SCAPER: variants seen among roughly 807,000 people sequenced by gnomAD.
SCAPER encodes S-phase cyclin A associated protein in the ER.
Under a neutral mutation model 182.2 loss-of-function variants are expected in SCAPER, and 98 were observed. The ratio of observed to expected loss-of-function variants is 0.54; its 90% confidence interval spans 0.46 to 0.64. The LOEUF (loss-of-function observed/expected upper bound fraction) is 0.64. Among genes scored for constraint, SCAPER ranks in the 30% least tolerant of loss-of-function variants. The pLI, the probability that SCAPER is intolerant of heterozygous loss-of-function variation, is 0.00. For missense variants in SCAPER, 1,432 were observed against 1,690.0 expected (o/e 0.85, Z 2.68); for synonymous variants, 605 against 564.6 (o/e 1.07, Z -1.01).
At position 76,593,902 on chromosome 15, in the gene SCAPER, C is replaced by A. The variant is rs1397995328; in HGVS notation, c.2712-19618G>T. Among the ~76,000 whole-genome samples, 3 of 120,882 alleles carry A rather than the reference C, an allele frequency of 2.5e-5. 1 individual carries two copies. Among genetic ancestry groups the A allele is most frequent in the Non-Finnish European group, 4.0e-5 (2 of 49,838 alleles). 79.3% of individuals were successfully genotyped at this position (120,882 alleles called of 152,430 possible). A position where few individuals can be genotyped will look rare whatever the true frequency, so the allele number is the denominator to read the frequency against. On this transcript the variant is annotated intron_variant, in intron 22 of 31. Coordinates refer to ENST00000563290, the MANE Select transcript of SCAPER (RefSeq NM_020843.4). ...ACAAAAAGGCTGAAAATTCCAAACA[C>A]CAGAAGGCCTCTTCTCCTCCAAAGG... is the stretch of plus-strand genomic sequence containing the variant.
chr15:76,636,499 A>G (rs2053617728), intron 21 of SCAPER, among the ~76,000 whole-genome samples: 1 of 152,022 alleles, frequency 6.6e-6, no homozygotes, highest in African/African-American at 2.4e-5. Context: ...CCTCAGCCCT[A>G]GGAGAATTCT....
At chr15:76,827,989 T>C (rs1478728662) in intron 5 of SCAPER, among the ~76,000 whole-genome samples, 1 of 151,970 alleles carries the variant, frequency 6.6e-6, no homozygotes, top group Non-Finnish European at 1.5e-5. Context: ...TCATGAAAGG[T>C]TTAATGGGTT....
At chr15:76,867,325 C>G (rs1568371275) in intron 2 of SCAPER, among the ~76,000 whole-genome samples, 1 of 152,058 alleles carries the variant, frequency 6.6e-6, no homozygotes, top group African/African-American at 2.4e-5. Context: ...AGAAAAGAAC[C>G]TTTCTCTTAA....
chr15:76,786,694 T>C (rs2064635933), intron 8 of SCAPER, among the ~76,000 whole-genome samples: 1 of 151,850 alleles, frequency 6.6e-6, no homozygotes, highest in Non-Finnish European at 1.5e-5. Context: ...AAAAAAGACA[T>C]ACAGACAGGA....
chr15:76,681,251 T>A (rs1053626812), intron 20 of SCAPER, among the ~76,000 whole-genome samples: 5 of 152,188 alleles, frequency 3.3e-5, no homozygotes, highest in African/African-American at 1.2e-4. Flanking sequence ...CTTACCCAAT[T>A]TTCAAATTTC....
At chr15:76,693,235 C>T (rs2058474651) in intron 20 of SCAPER, among the ~76,000 whole-genome samples, 1 of 152,104 alleles carries the variant, frequency 6.6e-6, no homozygotes, top group South Asian at 2.1e-4. Context: ...CAAACACACA[C>T]AGTAAATCAT....
At chr15:76,481,112 A>G (rs2051101505) in intron 24 of SCAPER, among the ~76,000 whole-genome samples, 1 of 152,200 alleles carries the variant, frequency 6.6e-6, no homozygotes, top group Admixed American at 6.5e-5. Flanking sequence ...CCAGAGAAAT[A>G]TTTTATTTTT....
intron 5 of SCAPER, among the ~76,000 whole-genome samples, chr15:76,826,552 T>G (rs2151685166): frequency 7.5e-6 from 1 of 132,888 alleles, no homozygotes; most frequent in South Asian, 2.7e-4. Flanking sequence ...CCCTAAAACT[T>G]TAAGTATAAT....
intron 23 of SCAPER, among the ~76,000 whole-genome samples, chr15:76,529,718 T>C (rs888087438): frequency 6.6e-6 from 1 of 152,200 alleles, no homozygotes; most frequent in Non-Finnish European, 1.5e-5. Context: ...AGAAGAAAGC[T>C]GACATATCCG....
chr15:76,375,271 CT>C lies in SCAPER; in HGVS notation c.3855+890del, dbSNP rs113912795. 4.2e-3 allele frequency among the ~76,000 whole-genome samples: 548 copies of C among 131,300 alleles called. 1 individual carries two copies. The highest frequency in any genetic ancestry group is 9.7e-3 in the African/African-American group (352 of 36,362). The allele number at this position is 131,300 out of a possible 152,430, so 86.1% of individuals were successfully genotyped here. On this transcript the variant is annotated intron_variant, in intron 29 of 31. Transcript: ENST00000563290. ...TATTTACAAATGAAATCTATGAAAT[CT>C]TTTTTTTTTTTAAATCTATGAAATC...
chr15:76,372,931 C>A (rs2042284250), intron 29 of SCAPER, among the ~76,000 whole-genome samples: 1 of 152,192 alleles, frequency 6.6e-6, no homozygotes, highest in African/African-American at 2.4e-5. Context: ...GGAGGGGAAT[C>A]TGCCAAAATG....
intron 27 of SCAPER, among the ~76,000 whole-genome samples, chr15:76,390,076 C>G (rs2043581023): frequency 1.3e-5 from 2 of 152,048 alleles, no homozygotes; most frequent in South Asian, 4.1e-4. Flanking sequence ...CCCATGTCAG[C>G]CTCCCAAGTA....
At position 76,665,738 on chromosome 15, in the gene SCAPER, C is replaced by G. The variant is rs561406305; in HGVS notation, c.2560G>C (p.Ala854Pro). The change falls in exon 21 of 32, where the codon GCT becomes CCT. Residue 854 changes from alanine (A) to proline (P), a missense_variant. Ala to Pro is a conservative substitution (Grantham distance 27). Coordinates refer to ENST00000563290, the MANE Select transcript of SCAPER (RefSeq NM_020843.4). Reference sequence around the variant, plus strand: ...CCATCTTTCAAAGCTTCTGCTGGAGCTGTACTTTCAACCACAATGTCAATA... The same window carrying G: ...CCATCTTTCAAAGCTTCTGCTGGAGGTGTACTTTCAACCACAATGTCAATA... ...YIIDIVVEST[A>P]PAEALKDGEE... 1 of 1,554,896 alleles carries G rather than the reference C, an allele frequency of 6.4e-7. No individual in the cohort carries two copies. Among genetic ancestry groups the G allele is most frequent in the African/African-American group, 1.4e-5 (1 of 73,530 alleles).
chr15:76,674,865 C>CATAA (rs56929165), intron 20 of SCAPER, among the ~76,000 whole-genome samples: 7,629 of 152,164 alleles, frequency 0.05, 223 homozygotes, highest in South Asian at 0.12. Context: ...CATTGGCACG[C>CATAA]ATAAAGTAAC....
chr15:76,411,800 T>C (rs1185699393), intron 26 of SCAPER, among the ~76,000 whole-genome samples: 1 of 152,196 alleles, frequency 6.6e-6, no homozygotes, highest in Non-Finnish European at 1.5e-5. Context: ...CAATCTTTTT[T>C]ATTTTAGCCG....
Position 76,434,275 on chromosome 15 carries a change from C to T in SCAPER, c.3114G>A (p.Gly1038=), listed in dbSNP as rs2142540969. The T allele has an allele frequency of 1.2e-6, 2 of 1,612,586 alleles. No individual in the cohort carries two copies. Among genetic ancestry groups the T allele is most frequent in the Non-Finnish European group, 1.7e-6 (2 of 1,179,198 alleles). The part of the protein sequence containing the change: ...YVPDENNTIL[G]RNTNKQVFEG... Reference sequence around the variant, plus strand: ...CAAAAACTTGTTTATTTGTATTTCTCCCCAAAATAGTATTATTTTCATCTG... The same window carrying T: ...CAAAAACTTGTTTATTTGTATTTCTTCCCAAAATAGTATTATTTTCATCTG... The change falls in exon 26 of 32, where the codon GGG becomes GGA. Residue 1038 remains glycine (G), a synonymous_variant. Transcript: ENST00000563290.
At chr15:76,633,421 G>C (rs914846808) in intron 21 of SCAPER, among the ~76,000 whole-genome samples, 11 of 152,232 alleles carry the variant, frequency 7.2e-5, no homozygotes, top group African/African-American at 2.7e-4. Flanking sequence ...TCAGGGTCTT[G>C]CTTAAATAAG....
At chr15:76,506,888 T>C (rs946137303) in intron 23 of SCAPER, among the ~76,000 whole-genome samples, 1 of 152,206 alleles carries the variant, frequency 6.6e-6, no homozygotes, top group Non-Finnish European at 1.5e-5. Context: ...TTCTATGCAA[T>C]TTACGATCTG....
chr15:76,704,744 C>G (rs2059152977), intron 18 of SCAPER, among the ~76,000 whole-genome samples: 1 of 152,170 alleles, frequency 6.6e-6, no homozygotes, highest in Admixed American at 6.5e-5. Flanking sequence ...AGGATATGAA[C>G]AGACCCTTCT....
Sources: gnomAD v4.1 joint callset for allele counts (sites outside exome capture counted in the v4.1 genomes callset) on GRCh38, gnomAD v4.1.1 for gene constraint, MANE v1.5 for transcripts, NCBI Gene and HGNC (gene_info 2026-07-23, HGNC 2026-07-21) for gene names.